Variants in INPP5B observed in about 807,000 individuals in gnomAD.
The protein encoded by INPP5B is inositol polyphosphate-5-phosphatase B, also known as type II inositol 1,4,5-trisphosphate 5-phosphatase.
Under a neutral mutation model 118.5 loss-of-function variants are expected in INPP5B, and 90 were observed. That is an observed-to-expected ratio of 0.76 (90% CI 0.64 to 0.90). The LOEUF (loss-of-function observed/expected upper bound fraction) is 0.90. INPP5B is among the 40% of genes least tolerant of loss of function. INPP5B has a pLI of 0.00. For missense variants in INPP5B, 984 were observed against 1,125.6 expected (o/e 0.87, Z 1.80); for synonymous variants, 385 against 418.9 (o/e 0.92, Z 0.99).
chr1:37,870,036 AAAAC>A (rs1473498212), intron 19 of INPP5B: 1 of 152,226 alleles, frequency 6.6e-6, no homozygotes, highest in Non-Finnish European at 1.5e-5. Context: ...GATTTAAAAA[AAAAC>A]AAAAGAATAA....
Position 37,876,732 on chromosome 1 carries a change from C to T in INPP5B, c.1678-1016G>A, listed in dbSNP as rs567174502. Among the ~76,000 whole-genome samples, 9 of 142,976 alleles carry T rather than the reference C, an allele frequency of 6.3e-5. No homozygotes were observed. In the East Asian group the frequency reaches 1.2e-3, roughly 20 times the overall value. 93.8% of individuals were successfully genotyped at this position (142,976 alleles called of 152,430 possible). On this transcript the variant is annotated intron_variant, in intron 16 of 23. Transcript: ENST00000373024. ...AAAAAAAAAAAAAAAAACCATTAGC[C>T]GGGTGTGGTGGCGGGCGCCTGCCTG...
chr1:37,876,114 T>G (rs960762712), intron 16 of INPP5B, among the ~76,000 whole-genome samples: 1 of 151,832 alleles, frequency 6.6e-6, no homozygotes, highest in African/African-American at 2.4e-5. Flanking sequence ...TTTGTTTTTT[T>G]TTTTTTTTTG....
chr1:37,875,809 G>T, intron 16 of INPP5B, 93 bp from the exon 17 acceptor site: 1 of 794,202 alleles, frequency 1.3e-6, no homozygotes, highest in Non-Finnish European at 2.2e-6. Flanking sequence ...GGAAATAGCA[G>T]TTGATAGCAA....
intron 3 of INPP5B, among the ~76,000 whole-genome samples, chr1:37,944,190 A>G (rs1646036418): frequency 6.6e-6 from 1 of 152,134 alleles, no homozygotes; most frequent in Non-Finnish European, 1.5e-5. Flanking sequence ...TGTGACAGGA[A>G]CAGTGCAACC....
intron 7 of INPP5B, among the ~76,000 whole-genome samples, chr1:37,912,607 C>G (rs1427732549): frequency 6.6e-6 from 1 of 152,190 alleles, no homozygotes; most frequent in African/African-American, 2.4e-5. Flanking sequence ...CTTGTTTACA[C>G]TGCTGGTTTA....
chr1:37,895,065 A>G (rs774335193), intron 7 of INPP5B, among the ~76,000 whole-genome samples: 11 of 152,192 alleles, frequency 7.2e-5, no homozygotes, highest in Non-Finnish European at 1.5e-4. Flanking sequence ...CTTTACTCTC[A>G]CTGAGCTATA....
At chr1:37,910,025 T>C (rs1644636567) in intron 7 of INPP5B, among the ~76,000 whole-genome samples, 1 of 152,150 alleles carries the variant, frequency 6.6e-6, no homozygotes, top group Non-Finnish European at 1.5e-5. Flanking sequence ...GAAATCAGAC[T>C]GTCCAACTCA....
At chr1:37,875,464 T>A (rs1642733982) in intron 17 of INPP5B, 142 bp downstream of exon 17, 1 of 588,908 alleles carries the variant, frequency 1.7e-6, no homozygotes. Flanking sequence ...GAGACAGGGT[T>A]TCACCGTGTT....
chr1:37,903,721 C>T (rs1001153988), intron 7 of INPP5B, among the ~76,000 whole-genome samples: 3 of 40,754 alleles, frequency 7.4e-5, no homozygotes, highest in Non-Finnish European at 9.3e-5. Flanking sequence ...AGAGAGACTC[C>T]GTCTCAAAAA....
intron 7 of INPP5B, among the ~76,000 whole-genome samples, chr1:37,909,886 C>T (rs889228574): frequency 6.6e-6 from 1 of 152,182 alleles, no homozygotes; most frequent in East Asian, 1.9e-4. Flanking sequence ...CCTCAGGGGT[C>T]AGGCATTCCT....
intron 3 of INPP5B, 36 bp from the exon 4 acceptor site, chr1:37,943,929 G>T (rs374124025): frequency 1.4e-6 from 2 of 1,477,278 alleles, no homozygotes; most frequent in East Asian, 2.3e-5. Context: ...ATGGGGGCCC[G>T]CTGGCTGTCC....
chr1:37,883,588 A>C (rs895526596), intron 13 of INPP5B: 1 of 985,328 alleles, frequency 1.0e-6, no homozygotes, highest in Admixed American at 6.2e-5. Context: ...GAGAATCTGC[A>C]CAGCAGTACA....
In INPP5B at chr1:37,889,642, T is replaced by C. The variant is rs1001888669; in HGVS notation, c.712A>G (p.Met238Val). Residue 238 changes from methionine (M) to valine (V), a missense_variant, in exon 9 of 24, where the codon ATG becomes GTG. Coordinates refer to ENST00000373024, the MANE Select transcript of INPP5B (RefSeq NM_005540.3). The stretch of plus-strand genomic sequence containing the variant: ...GTATCTCGCAGTCCAAACTTCTGCA[T>C]GGATAAAATATGAGCCTTGTCCGAC... ...TVSDKAHILSMQKFGLRDTIV... is the reference protein window; with the variant it reads ...TVSDKAHILSVQKFGLRDTIV... 1.2e-6 allele frequency: 2 copies of C among 1,613,820 alleles called. No individual in the cohort carries two copies. The highest frequency in any genetic ancestry group is 1.7e-6 in the Non-Finnish European group (2 of 1,179,712).
At chr1:37,932,674 C>T (rs1433400982) in intron 6 of INPP5B, among the ~76,000 whole-genome samples, 1 of 151,982 alleles carries the variant, frequency 6.6e-6, no homozygotes, top group Non-Finnish European at 1.5e-5. Context: ...GCCTATTATC[C>T]CCATTTTATA....
chr1:37,871,562 G>A (rs1056244235), intron 19 of INPP5B, among the ~76,000 whole-genome samples: 1 of 152,130 alleles, frequency 6.6e-6, no homozygotes, highest in African/African-American at 2.4e-5. Flanking sequence ...GAGGTCAGGA[G>A]TTCAAGACCA....
intron 16 of INPP5B, among the ~76,000 whole-genome samples, chr1:37,877,469 C>T (rs1437613506): frequency 1.3e-5 from 2 of 151,976 alleles, no homozygotes; most frequent in Admixed American, 6.6e-5. Context: ...TGATAAAACC[C>T]AATATTGACA....
chr1:37,942,681 G>A (rs1296360623), intron 5 of INPP5B, among the ~76,000 whole-genome samples: 1 of 152,196 alleles, frequency 6.6e-6, no homozygotes, highest in Non-Finnish European at 1.5e-5. Flanking sequence ...GGCCAAGGCA[G>A]GTGGATCATC....
At chr1:37,900,302 T>C (rs2148562421) in intron 7 of INPP5B, among the ~76,000 whole-genome samples, 1 of 151,248 alleles carries the variant, frequency 6.6e-6, no homozygotes. Context: ...TCACCCAGGA[T>C]GGAGTGCAAT....
chr1:37,946,146 C>A, intron 2 of INPP5B, 106 bp downstream of exon 2: 1 of 1,082,240 alleles, frequency 9.2e-7, no homozygotes. Context: ...TCCTTCTCCC[C>A]TGATGGTTCA....
Sources: allele counts gnomAD v4.1 joint callset (sites outside exome capture counted in the v4.1 genomes callset), GRCh38; gene constraint gnomAD v4.1.1; transcripts MANE v1.5; gene names NCBI Gene and HGNC (gene_info 2026-07-23, HGNC 2026-07-21).